Variants in MICALL2 observed in about 807,000 individuals in gnomAD.
MICALL2 encodes MICAL-like protein 2.
A neutral mutation model predicts 91.1 loss-of-function variants in MICALL2; 111 were observed. That is an observed-to-expected ratio of 1.22 (90% CI 1.04 to 1.43). The LOEUF (loss-of-function observed/expected upper bound fraction) is 1.43, where lower values mean the gene tolerates loss of function less well. MICALL2 is among the 40% of genes most tolerant of loss of function. MICALL2 has a pLI of 0.00. For missense variants in MICALL2, 1,556 were observed against 1,236.0 expected (o/e 1.26, Z -3.88); for synonymous variants, 694 against 525.3 (o/e 1.32, Z -4.39).
rs770755579 is a variant in MICALL2, at chr7:1,438,860, G to A, written c.2102C>T (p.Pro701Leu). The change falls in exon 10 of 17, where the codon CCT becomes CTT. Residue 701 changes from proline to leucine, a missense_variant. By Grantham distance (98) the Pro-to-Leu change is moderately conservative. Coordinates refer to ENST00000297508, the MANE Select transcript of MICALL2 (RefSeq NM_182924.4). Reference protein sequence around the residue: ...VQSWKEEEKKPHLQGKPGRPL... With the variant: ...VQSWKEEEKKLHLQGKPGRPL... ...CTGACCTGGTTTGCCCTGAAGGTGA[G>A]GTTTCTTCTCCTCCTCCTTCCAGCT... is the stretch of plus-strand genomic sequence containing the variant. The A allele has an allele frequency of 1.9e-5, 31 of 1,608,290 alleles. No individual in the cohort carries two copies. Among genetic ancestry groups the A allele is most frequent in the African/African-American group, 9.4e-5 (7 of 74,860 alleles).
chr7:1,438,373 A>G lies in MICALL2; in HGVS notation c.2123-20T>C. 2 of 1,590,748 alleles carry G rather than the reference A, an allele frequency of 1.3e-6. No individual in the cohort carries two copies. The highest frequency in any genetic ancestry group is 2.3e-5 in the South Asian group (2 of 88,002). ...GTCTCCCTGGAGAAGGAGCAGGGTG[A>G]GCCTCTGGGACCTGGGCCACCAGGC... On this transcript the variant is annotated intron_variant, in intron 10 of 16. Transcript: ENST00000297508.
At chr7:1,446,871 GC>G in intron 4 of MICALL2, 43 bp from the exon 5 acceptor site, 1 of 1,391,738 alleles carries the variant, frequency 7.2e-7, no homozygotes, top group South Asian at 1.4e-5. Context: ...CGTCCACCCA[GC>G]CCTCCCTCCT....
At position 1,438,961 on chromosome 7, in the gene MICALL2, C is replaced by T; in HGVS notation, c.2001G>A (p.Leu667=). The change falls in exon 10 of 17, where the codon CTG becomes CTA. Residue 667 remains leucine, a synonymous_variant. Transcript: ENST00000297508. Reference sequence around the variant, plus strand: ...AAACGTCGAGGCTGGCAGGGACGGCCAGTCTCCTGCGGCGGGGTGGGGAGG... The same window carrying T: ...AAACGTCGAGGCTGGCAGGGACGGCTAGTCTCCTGCGGCGGGGTGGGGAGG... The part of the protein sequence containing the change: ...RSPSPPRRRR[L]AVPASLDVCD... 1.2e-6 allele frequency: 2 copies of T among 1,601,216 alleles called. No individual in the cohort carries two copies. The highest frequency in any genetic ancestry group is 2.2e-5 in the South Asian group (2 of 91,042).
In MICALL2 at chr7:1,451,355, G is replaced by C. The variant is rs1162722776; in HGVS notation, c.144-1067C>G. Among the ~76,000 whole-genome samples the C allele has an allele frequency of 3.9e-5, 6 of 152,296 alleles. No individual in the cohort carries two copies. The highest frequency in any genetic ancestry group is 8.8e-5 in the Non-Finnish European group (6 of 68,022). On this transcript the variant is annotated intron_variant, in intron 1 of 16. Coordinates refer to ENST00000297508, the MANE Select transcript of MICALL2 (RefSeq NM_182924.4). This position sits in a 1 kb window ranked among gnomAD's most constrained non-coding sequence, Gnocchi z 4.5. ...TCCCAGCACGGGCTGCGGCTTCTGGGAGGGAGGGTTGGTTAAATCATGATC... is the reference window on the plus strand; with the variant it reads ...TCCCAGCACGGGCTGCGGCTTCTGGCAGGGAGGGTTGGTTAAATCATGATC...
At chr7:1,443,625 CAG>C (rs745325159) in intron 6 of MICALL2, among the ~76,000 whole-genome samples, 2 of 152,074 alleles carry the variant, frequency 1.3e-5, no homozygotes, top group African/African-American at 2.4e-5. Context: ...TTAGAAGAGA[CAG>C]AAGAGGAGAA....
rs1370549816 is a variant in MICALL2 at position 1,435,160 on chromosome 7, C to T, written c.2592-13G>A. The T allele has an allele frequency of 6.2e-7, 1 of 1,613,424 alleles. No homozygotes were observed. The highest frequency in any genetic ancestry group is 1.7e-5 in the Admixed American group (1 of 60,022). On this transcript the variant is annotated splice_polypyrimidine_tract_variant and intron_variant, in intron 15 of 16. Transcript: ENST00000297508. ...CTCCTCTTGTTCCCTGAAACGGGACCAGATGGCCATGAGCGACAATGGCAA... is the reference window on the plus strand; with the variant it reads ...CTCCTCTTGTTCCCTGAAACGGGACTAGATGGCCATGAGCGACAATGGCAA...
intron 1 of MICALL2, among the ~76,000 whole-genome samples, chr7:1,455,522 G>A (rs1029713614): frequency 4.6e-5 from 7 of 152,058 alleles, no homozygotes; most frequent in Admixed American, 1.3e-4. Flanking sequence ...TTTCCTGGCC[G>A]TAAAGCGGAG....
intron 14 of MICALL2, 69 bp downstream of exon 14, chr7:1,437,466 G>A: frequency 7.3e-7 from 1 of 1,379,176 alleles, no homozygotes; most frequent in Non-Finnish European, 9.6e-7. Flanking sequence ...CACAGAGCCG[G>A]CCCCCAGACA....
At chr7:1,454,785 C>T (rs951636197) in intron 1 of MICALL2, among the ~76,000 whole-genome samples, 2 of 152,106 alleles carry the variant, frequency 1.3e-5, no homozygotes, top group Non-Finnish European at 2.9e-5. Flanking sequence ...GGGGCCTCTG[C>T]GTGAGTCTCT....
chr7:1,442,632 C>T lies in MICALL2; in HGVS notation c.1419-148G>A. The T allele has an allele frequency of 5.3e-6, 4 of 749,016 alleles. No individual in the cohort carries two copies. In the South Asian group the frequency reaches 5.7e-5, roughly 11 times the overall value. The allele number at this position is 749,016 out of a possible 1,614,324, so 46.4% of individuals were successfully genotyped here. A position where few individuals can be genotyped will look rare whatever the true frequency, so the allele number is the denominator to read the frequency against. On this transcript the variant is annotated intron_variant, in intron 6 of 16. Transcript: ENST00000297508. ...ACCATCACCCCAGGCCACCCTCCAC[C>T]TCCCCCACCATTGCGCCAGGCCACC...
rs940941605 is a variant in MICALL2, at chr7:1,448,488, C to T, written c.334+132G>A. ...CTGCTTCACAGCCAGTGCACAGCCC[C>T]GGTGCCCATGCCAGGGGCCATTCTT... On this transcript the variant is annotated intron_variant, in intron 3 of 16. Transcript: ENST00000297508. The T allele has an allele frequency of 2.6e-5, 21 of 816,116 alleles. 1 individual carries two copies. The highest frequency in any genetic ancestry group is 1.6e-4 in the African/African-American group (9 of 56,660). 50.6% of individuals were successfully genotyped at this position (816,116 alleles called of 1,614,324 possible). A position where few individuals can be genotyped will look rare whatever the true frequency, so the allele number is the denominator to read the frequency against.
Position 1,434,436 on chromosome 7 carries a change from A to G in MICALL2, c.*160T>C, listed in dbSNP as rs1242023333. On this transcript the variant is annotated 3_prime_UTR_variant, in exon 17 of 17. Transcript: ENST00000297508. ...TCCCTGCTGTCCACATGCCCCTTGT[A>G]GGGACAGGAGGCCCTTCCCGAGTCC... 6 of 711,824 alleles carry G rather than the reference A, an allele frequency of 8.4e-6. No individual in the cohort carries two copies. Among genetic ancestry groups the G allele is most frequent in the Non-Finnish European group, 1.5e-5 (6 of 391,400 alleles). The allele number at this position is 711,824 out of a possible 1,614,324, so 44.1% of individuals were successfully genotyped here.
At position 1,438,369 on chromosome 7, in the gene MICALL2, G is replaced by A. The variant is rs528965371; in HGVS notation, c.2123-16C>T. On this transcript the variant is annotated splice_polypyrimidine_tract_variant and intron_variant, in intron 10 of 16. Coordinates refer to ENST00000297508, the MANE Select transcript of MICALL2 (RefSeq NM_182924.4). ...AAGGGTCTCCCTGGAGAAGGAGCAG[G>A]GTGAGCCTCTGGGACCTGGGCCACC... 17 of 1,594,850 alleles carry A rather than the reference G, an allele frequency of 1.1e-5. No individual in the cohort carries two copies. The African/African-American group carries it at 2.1e-4, about 20-fold the overall frequency.
Position 1,435,257 on chromosome 7 carries a change from C to T in MICALL2, c.2592-110G>A, listed in dbSNP as rs1562442874. On this transcript the variant is annotated intron_variant, in intron 15 of 16. Transcript: ENST00000297508. ...ACCCCAGCCCTGAGTCCCGCCTGGA[C>T]CCATGCCACCTGCCCCTTCCTGCTG... The T allele has an allele frequency of 2.8e-6, 3 of 1,056,000 alleles. No homozygotes were observed. The East Asian group carries it at 7.2e-5, about 25-fold the overall frequency. The allele number at this position is 1,056,000 out of a possible 1,614,324, so 65.4% of individuals were successfully genotyped here.
intron 1 of MICALL2, among the ~76,000 whole-genome samples, chr7:1,457,199 C>T (rs1202636430): frequency 6.6e-6 from 1 of 152,200 alleles, no homozygotes; most frequent in Non-Finnish European, 1.5e-5. Context: ...ATCTACTGAA[C>T]CCCAACTGAA....
Position 1,455,269 on chromosome 7 carries a change from T to C in MICALL2, c.143+3915A>G, listed in dbSNP as rs575486613. Reference sequence around the variant, plus strand: ...GCTGCTCCAGCCCCGACAGGCTGACTGGCTGAGGGAGGTGAGGCGGGAGGT... The same window carrying C: ...GCTGCTCCAGCCCCGACAGGCTGACCGGCTGAGGGAGGTGAGGCGGGAGGT... On this transcript the variant is annotated intron_variant, in intron 1 of 16. Transcript: ENST00000297508. 1.5e-4 allele frequency among the ~76,000 whole-genome samples: 23 copies of C among 152,270 alleles called. 1 individual carries two copies. In the South Asian group the frequency reaches 4.8e-3, roughly 32 times the overall value.
intron 1 of MICALL2, among the ~76,000 whole-genome samples, chr7:1,458,628 C>T (rs940536284): frequency 3.3e-5 from 5 of 152,234 alleles, no homozygotes; most frequent in Non-Finnish European, 7.3e-5. Context: ...CCTGCTGCTC[C>T]CAGAGATGGG....
At chr7:1,438,380 G>A (rs747170931) in intron 10 of MICALL2, 27 bp from the exon 11 acceptor site, 7 of 1,585,520 alleles carry the variant, frequency 4.4e-6, no homozygotes, top group Admixed American at 1.8e-5. Flanking sequence ...GTGAGCCTCT[G>A]GGACCTGGGC....
At position 1,445,394 on chromosome 7, in the gene MICALL2, C is replaced by T. The variant is rs368903565; in HGVS notation, c.676G>A (p.Ala226Thr). ...KQCSCTLHSG[A>T]YKATGEPGTF... Reference sequence around the variant, plus strand: ...CCCGGCTCTCCTGTGGCCTTGTAGGCCCCCGAGTGCAGCGTGCAGGAGCAC... The same window carrying T: ...CCCGGCTCTCCTGTGGCCTTGTAGGTCCCCGAGTGCAGCGTGCAGGAGCAC... The change falls in exon 6 of 17, where the codon GCC (alanine) becomes ACC (threonine). Residue 226 changes from alanine (A) to threonine (T), a missense_variant. Physicochemically the swap from Ala to Thr is moderately conservative, Grantham distance 58. Transcript: ENST00000297508. 1.9e-6 allele frequency: 3 copies of T among 1,569,648 alleles called. No individual in the cohort carries two copies. The highest frequency in any genetic ancestry group is 1.3e-5 in the African/African-American group (1 of 74,186).
Sources: gnomAD v4.1 joint callset for allele counts (sites outside exome capture counted in the v4.1 genomes callset) on GRCh38, gnomAD v4.1.1 for gene constraint, Gnocchi (gnomAD v3.1) non-coding constraint, MANE v1.5 for transcripts, NCBI Gene and HGNC (gene_info 2026-07-23, HGNC 2026-07-21) for gene names.